The following CDK14 variants were observed in gnomAD, a reference collection of about 807,000 sequenced individuals.
CDK14 encodes the protein cyclin-dependent kinase 14.
In CDK14, 34 loss-of-function variants were observed where a neutral mutation model predicts 60.7. The ratio of observed to expected loss-of-function variants is 0.56; its 90% CI spans 0.43 to 0.75. The LOEUF is 0.75. Among genes scored for constraint, CDK14 ranks in the 30% least tolerant of loss-of-function variants. CDK14 has a pLI of 0.00. For missense variants in CDK14, 482 were observed against 564.1 expected, an observed-to-expected ratio of 0.85 and a Z score of 1.47; for synonymous variants, 197 against 203.7, an observed-to-expected ratio of 0.97 and a Z score of 0.28.
intron 6 of CDK14, among the ~76,000 whole-genome samples, chr7:90,874,307 A>G (rs1158877130): frequency 5.9e-5 from 9 of 152,122 alleles, no homozygotes; most frequent in Admixed American, 5.9e-4. Context: ...GGCTAGATGT[A>G]GAATTCTTGC....
At chr7:90,811,855 C>T (rs936796959) in intron 5 of CDK14, among the ~76,000 whole-genome samples, 16 of 152,108 alleles carry the variant, frequency 1.1e-4, no homozygotes, top group African/African-American at 3.9e-4. Context: ...AACCAAAAGA[C>T]ACATGAAAAA....
rs1803021482 is a variant in CDK14 at position 91,210,112 on chromosome 7, C to A, written c.*2976C>A. 1 of 152,602 alleles carries A rather than the reference C, an allele frequency of 6.6e-6. No homozygotes were observed. Among genetic ancestry groups the A allele is most frequent in the Non-Finnish European group, 1.5e-5 (1 of 68,034 alleles). 9.5% of individuals were successfully genotyped at this position (152,602 alleles called of 1,614,324 possible). A position where few individuals can be genotyped will look rare whatever the true frequency, so the allele number is the denominator to read the frequency against. ...GCCCCTTATACATAGGAATATGCTG[C>A]ATAATTGCGCATAACTTCCATCTCC... is the stretch of plus-strand genomic sequence containing the variant. On this transcript the variant is annotated 3_prime_UTR_variant, in exon 15 of 15. Coordinates refer to ENST00000380050, the MANE Select transcript of CDK14 (RefSeq NM_001287135.2).
At chr7:91,116,415 G>T (rs1248297053) in intron 13 of CDK14, among the ~76,000 whole-genome samples, 1 of 152,106 alleles carries the variant, frequency 6.6e-6, no homozygotes, top group Admixed American at 6.6e-5. Context: ...TGGTCTCTCT[G>T]AGCTTCCCAT....
chr7:91,019,594 C>T (rs1457870387), intron 10 of CDK14, among the ~76,000 whole-genome samples: 1 of 152,076 alleles, frequency 6.6e-6, no homozygotes, highest in Non-Finnish European at 1.5e-5. Context: ...TCCCTTTAAA[C>T]CTGTATAATA....
chr7:90,855,347 A>G (rs904499927), intron 5 of CDK14, among the ~76,000 whole-genome samples: 6 of 152,328 alleles, frequency 3.9e-5, no homozygotes, highest in Non-Finnish European at 7.4e-5. Flanking sequence ...ATTGTATTAT[A>G]GTTCCATATT....
At chr7:91,035,323 T>C (rs942866241) in intron 10 of CDK14, among the ~76,000 whole-genome samples, 9 of 152,222 alleles carry the variant, frequency 5.9e-5, no homozygotes, top group Admixed American at 2.6e-4. Flanking sequence ...GAATGCAAAA[T>C]GCAACCTTAA....
At chr7:90,612,669 G>A (rs941310677) in intron 2 of CDK14, among the ~76,000 whole-genome samples, 1 of 151,690 alleles carries the variant, frequency 6.6e-6, no homozygotes, top group Non-Finnish European at 1.5e-5. Flanking sequence ...CTACTCGGGA[G>A]GCTGAGGCAG....
At chr7:90,971,653 T>TAAAAAAAAAAAAAAAAAAAAAAAAAA (rs35135401) in intron 9 of CDK14, among the ~76,000 whole-genome samples, 1 of 119,540 alleles carries the variant, frequency 8.4e-6, no homozygotes, top group Admixed American at 8.7e-5. Flanking sequence ...ATATACATAG[T>TAAAAAAAAAAAAAAAAAAAAAAAAAA]AAAAAAAAAA....
chr7:90,756,097 T>C (rs1804045995), intron 4 of CDK14, among the ~76,000 whole-genome samples: 1 of 152,234 alleles, frequency 6.6e-6, no homozygotes. Flanking sequence ...CTTGAAGCTA[T>C]CATTTTCCTA....
intron 2 of CDK14, among the ~76,000 whole-genome samples, chr7:90,630,787 T>A (rs969784956): frequency 2.0e-5 from 3 of 152,092 alleles, no homozygotes; most frequent in African/African-American, 7.2e-5. Flanking sequence ...TTTACTTTTT[T>A]AAAATCCAAA....
intron 14 of CDK14, among the ~76,000 whole-genome samples, chr7:91,135,453 G>A (rs918498094): frequency 1.3e-5 from 2 of 152,188 alleles, no homozygotes; most frequent in Non-Finnish European, 2.9e-5. Flanking sequence ...TGGTCTCAGT[G>A]TCAGGAATAG....
intron 14 of CDK14, among the ~76,000 whole-genome samples, chr7:91,127,636 T>G (rs938187973): frequency 1.3e-5 from 2 of 152,188 alleles, no homozygotes; most frequent in Non-Finnish European, 2.9e-5. Context: ...TATGACTGTG[T>G]CCTATTTTGG....
intron 2 of CDK14, among the ~76,000 whole-genome samples, chr7:90,622,605 A>G (rs564509603): frequency 2.6e-5 from 4 of 152,324 alleles, no homozygotes; most frequent in South Asian, 2.1e-4. Context: ...ACATTAGTGC[A>G]TTGGATTTTT....
intron 10 of CDK14, among the ~76,000 whole-genome samples, chr7:90,998,671 G>A (rs900713750): frequency 1.3e-5 from 2 of 152,156 alleles, no homozygotes; most frequent in African/African-American, 4.8e-5. Context: ...GGCGGATCAC[G>A]AAGTCAGGAG....
At chr7:91,055,569 G>T (rs920956671) in intron 11 of CDK14, among the ~76,000 whole-genome samples, 5 of 152,172 alleles carry the variant, frequency 3.3e-5, no homozygotes, top group African/African-American at 7.2e-5. Context: ...GGTTTTATTA[G>T]TTCTACTCGC....
Position 91,152,259 on chromosome 7 carries a change from A to T in CDK14, c.*28+34051A>T, listed in dbSNP as rs936952851. ...ACTAGAATTACCACTTGGGAATCAC[A>T]ATCAGTCAAAATTCTTTTTTGTCTC... On this transcript the variant is annotated intron_variant, in intron 14 of 14. Transcript: ENST00000380050. 6.6e-5 allele frequency among the ~76,000 whole-genome samples: 10 copies of T among 152,304 alleles called. 1 individual carries two copies. In the Middle Eastern group the frequency reaches 0.01, roughly 155 times the overall value.
At chr7:90,861,282 A>T (rs773615945) in intron 5 of CDK14, among the ~76,000 whole-genome samples, 12 of 152,140 alleles carry the variant, frequency 7.9e-5, no homozygotes, top group Admixed American at 2.0e-4. Context: ...TCTGATCTTG[A>T]ATCTTCCCAC....
At chr7:90,850,807 AG>A (rs2117179331) in intron 5 of CDK14, among the ~76,000 whole-genome samples, 1 of 152,286 alleles carries the variant, frequency 6.6e-6, no homozygotes, top group Non-Finnish European at 1.5e-5. Context: ...AGAAGTGACT[AG>A]ATCAGATAAA....
chr7:90,798,913 A>G (rs1209584351), intron 5 of CDK14, among the ~76,000 whole-genome samples: 1 of 152,220 alleles, frequency 6.6e-6, no homozygotes, highest in Admixed American at 6.5e-5. Flanking sequence ...ATCTTGGTTT[A>G]TGAGGAACAG....
Sources: gnomAD v4.1 joint callset for allele counts (sites outside exome capture counted in the v4.1 genomes callset) on GRCh38, gnomAD v4.1.1 for gene constraint, MANE v1.5 for transcripts, NCBI Gene and HGNC (gene_info 2026-07-23, HGNC 2026-07-21) for gene names.